Variants in RUFY1 observed in about 807,000 individuals in gnomAD.
RUFY1 encodes the protein RUN and FYVE domain-containing protein 1.
RUFY1 carries 54 observed loss-of-function variants against 94.6 expected under a neutral mutation model. The ratio of observed to expected loss-of-function variants is 0.57; its 90% CI spans 0.46 to 0.72. The LOEUF (loss-of-function observed/expected upper bound fraction) is 0.72. RUFY1 is among the 30% of genes least tolerant of loss of function. The probability of loss-of-function intolerance (pLI) is 0.00; values close to 1 mark genes in which losing one functional copy is unlikely to be tolerated. For synonymous variants in RUFY1, 396 were observed against 347.3 expected (o/e 1.14, Z -1.56); for missense variants, 883 against 883.9 (o/e 1.00, Z 0.01).
At chr5:179,582,220 A>G (rs1437869636) in intron 7 of RUFY1, among the ~76,000 whole-genome samples, 2 of 151,918 alleles carry the variant, frequency 1.3e-5, no homozygotes, top group African/African-American at 4.8e-5. Flanking sequence ...ACTTGATCAT[A>G]ATATTTTTTA....
chr5:179,606,770 A>G (rs949646773), intron 16 of RUFY1: 4 of 152,300 alleles, frequency 2.6e-5, no homozygotes, highest in African/African-American at 9.7e-5. Context: ...TGATGTCAGG[A>G]TGAATGTCCT....
chr5:179,579,516 G>A (rs1457207768), intron 6 of RUFY1, among the ~76,000 whole-genome samples: 1 of 151,806 alleles, frequency 6.6e-6, no homozygotes, highest in African/African-American at 2.4e-5. Flanking sequence ...ATTTTTAGTA[G>A]AGACGGGGTT....
At chr5:179,572,337 T>C in intron 5 of RUFY1, 1 of 195,768 alleles carries the variant, frequency 5.1e-6, no homozygotes, top group Non-Finnish European at 1.1e-5. Context: ...TCAGCGACCA[T>C]GCCGAGGATT....
chr5:179,559,307 T>C (rs1400763202), intron 1 of RUFY1, among the ~76,000 whole-genome samples: 2 of 152,202 alleles, frequency 1.3e-5, no homozygotes, highest in Non-Finnish European at 2.9e-5. Context: ...ATAATGGGAG[T>C]TGAAATGGAA....
At chr5:179,581,040 C>T (rs1208920191) in intron 7 of RUFY1, 28 bp downstream of exon 7, 1 of 1,369,176 alleles carries the variant, frequency 7.3e-7, no homozygotes, top group East Asian at 2.3e-5. Flanking sequence ...TTCAATGTGA[C>T]AGTTACATAC....
At chr5:179,575,594 C>G (rs1180413912) in intron 5 of RUFY1, among the ~76,000 whole-genome samples, 3 of 152,104 alleles carry the variant, frequency 2.0e-5, no homozygotes, top group Non-Finnish European at 4.4e-5. Flanking sequence ...CTCATCGAGA[C>G]AGGCACTAAG....
intron 8 of RUFY1, among the ~76,000 whole-genome samples, chr5:179,587,416 T>A (rs1764700144): frequency 1.4e-5 from 2 of 144,010 alleles, no homozygotes; most frequent in Non-Finnish European, 1.5e-5. Flanking sequence ...AGTCTTGCTC[T>A]GTCTCCCAGG....
intron 5 of RUFY1, among the ~76,000 whole-genome samples, chr5:179,571,225 A>G (rs750692181): frequency 1.3e-5 from 2 of 152,224 alleles, no homozygotes; most frequent in East Asian, 1.9e-4. Context: ...TGCTGGGCAC[A>G]TGGCTCACGC....
At chr5:179,558,508 G>C (rs1053509573) in intron 1 of RUFY1, among the ~76,000 whole-genome samples, 2 of 151,488 alleles carry the variant, frequency 1.3e-5, no homozygotes, top group Non-Finnish European at 2.9e-5. Context: ...GGAGGCGAAG[G>C]TTGCAGTGAG....
chr5:179,560,235 G>T (rs777275267), intron 2 of RUFY1, 37 bp downstream of exon 2: 1 of 1,600,272 alleles, frequency 6.2e-7, no homozygotes, highest in Non-Finnish European at 8.5e-7. Flanking sequence ...GTGGAAGTTC[G>T]GGCTGGGTGT....
chr5:179,609,023 T>A (rs750962544), intron 17 of RUFY1, among the ~76,000 whole-genome samples: 1 of 150,914 alleles, frequency 6.6e-6, no homozygotes, highest in Non-Finnish European at 1.5e-5. Flanking sequence ...ATCGAGACCA[T>A]CCTGGCTAAC....
intron 13 of RUFY1, 48 bp downstream of exon 13, chr5:179,596,729 C>A: frequency 8.2e-7 from 1 of 1,220,898 alleles, no homozygotes; most frequent in South Asian, 1.5e-5. Context: ...TCAGGAGGGA[C>A]TGGGAAGAAC....
intron 14 of RUFY1, chr5:179,599,418 C>T (rs1766072816): frequency 6.5e-6 from 1 of 152,716 alleles, no homozygotes; most frequent in Non-Finnish European, 1.5e-5. Context: ...ACCTCAGCCA[C>T]TGTGCCCAGG....
intron 12 of RUFY1, 112 bp from the exon 13 acceptor site, chr5:179,596,450 C>T (rs914992644): frequency 8.0e-6 from 11 of 1,366,846 alleles, no homozygotes; most frequent in Admixed American, 1.7e-5. Context: ...TTAAAACTCA[C>T]AAGAGTTAAT....
intron 2 of RUFY1, among the ~76,000 whole-genome samples, chr5:179,561,678 C>CTTTTTTTTTTTTT (rs71001004): frequency 3.1e-4 from 20 of 64,602 alleles, no homozygotes; most frequent in Admixed American, 4.5e-4. Flanking sequence ...TTTTTTCTTT[C>CTTTTTTTTTTTTT]TTTTTTTTTT....
chr5:179,591,480 A>G (rs886409021), intron 9 of RUFY1, 145 bp from the exon 10 acceptor site: 21 of 611,480 alleles, frequency 3.4e-5, no homozygotes, highest in Non-Finnish European at 4.8e-5. Context: ...CAATGCGCCC[A>G]GCCAAGTTTT....
Position 179,607,740 on chromosome 5 carries a change from A to C in RUFY1, c.1983+81A>C, listed in dbSNP as rs189043969. 2.4e-6 allele frequency: 3 copies of C among 1,244,510 alleles called. No homozygotes were observed. In the Admixed American group the frequency reaches 5.4e-5, roughly 22 times the overall value. The allele number at this position is 1,244,510 out of a possible 1,614,324, so 77.1% of individuals were successfully genotyped here. A position where few individuals can be genotyped will look rare whatever the true frequency, so the allele number is the denominator to read the frequency against. Reference sequence around the variant, plus strand: ...CCCCTTTCTCTGGTTCCAGAAGCCCATATCAGAGCAGGCTCACTGCCCGGT... The same window carrying C: ...CCCCTTTCTCTGGTTCCAGAAGCCCCTATCAGAGCAGGCTCACTGCCCGGT... On this transcript the variant is annotated intron_variant, in intron 17 of 17. Coordinates refer to ENST00000319449, the MANE Select transcript of RUFY1 (RefSeq NM_025158.5).
chr5:179,600,855 C>T (rs760110070), intron 14 of RUFY1, among the ~76,000 whole-genome samples: 13 of 151,762 alleles, frequency 8.6e-5, no homozygotes, highest in Non-Finnish European at 1.5e-4. Flanking sequence ...TGCCACCATG[C>T]CCTGCTAATT....
At position 179,596,636 on chromosome 5, in the gene RUFY1, G is replaced by C. The variant is rs1308698276; in HGVS notation, c.1586G>C (p.Arg529Thr). The part of the protein sequence containing the change: ...SHKLQQELGG[R>T]IGALQLQLSQ... ...AAGCTGCAGCAGGAGCTGGGCGGGAGGATCGGCGCCCTGCAGCTGCAGCTC... is the reference window on the plus strand; with the variant it reads ...AAGCTGCAGCAGGAGCTGGGCGGGACGATCGGCGCCCTGCAGCTGCAGCTC... Residue 529 changes from arginine to threonine, a missense_variant, in exon 13 of 18, where the codon AGG becomes ACG. By Grantham distance (71) the Arg-to-Thr change is moderately conservative. Transcript: ENST00000319449. 6.2e-7 allele frequency: 1 copy of C among 1,610,942 alleles called. No homozygotes were observed. The highest frequency in any genetic ancestry group is 1.3e-5 in the African/African-American group (1 of 74,808).
Sources: gnomAD v4.1 joint callset for allele counts (sites outside exome capture counted in the v4.1 genomes callset) on GRCh38, gnomAD v4.1.1 for gene constraint, MANE v1.5 for transcripts, NCBI Gene and HGNC (gene_info 2026-07-23, HGNC 2026-07-21) for gene names.